KCNJ5: variants seen among roughly 807,000 people sequenced by gnomAD.
KCNJ5 encodes potassium inwardly rectifying channel subfamily J member 5.
Under a neutral mutation model 20.2 loss-of-function variants are expected in KCNJ5, and 12 were observed. The ratio of observed to expected loss-of-function variants is 0.59; its 90% CI spans 0.38 to 0.96. KCNJ5 has a LOEUF of 0.96. Among genes scored for constraint, KCNJ5 ranks in the 40% least tolerant of loss-of-function variants. The probability of loss-of-function intolerance (pLI) is 0.00; values close to 1 mark genes in which losing one functional copy is unlikely to be tolerated. For missense variants in KCNJ5, 449 were observed against 557.6 expected, an observed-to-expected ratio of 0.81 and a Z score of 1.96; for synonymous variants, 210 against 213.9, an observed-to-expected ratio of 0.98 and a Z score of 0.16.
chr11:128,914,263 A>G (rs757768604), intron 2 of KCNJ5, among the ~76,000 whole-genome samples: 1 of 152,236 alleles, frequency 6.6e-6, no homozygotes, highest in Non-Finnish European at 1.5e-5. Context: ...CTCCAAGGCC[A>G]TCCTCACTCC....
chr11:128,916,613 C>G lies in KCNJ5; in HGVS notation c.1142C>G (p.Pro381Arg). 3 of 1,613,986 alleles carry G rather than the reference C, an allele frequency of 1.9e-6. No individual in the cohort carries two copies. Among genetic ancestry groups the G allele is most frequent in the Middle Eastern group, 1.7e-4 (1 of 6,058 alleles). Residue 381 changes from proline to arginine, a missense_variant, in exon 3 of 3, where the codon CCC becomes CGC. By Grantham distance (103) the Pro-to-Arg change is moderately radical (BLOSUM62 -2). Around this residue, in one of 5 missense-constraint regions of KCNJ5, gnomAD observed 64 missense variants for 51.3 expected, o/e 1.25. Transcript: ENST00000529694. ...GAAGGCCGGCTCCTCCAGTACCTCC[C>G]CAGCCCCCCACTGCTGGGGGGCTGT... ...KREGRLLQYLPSPPLLGGCAE... is the reference protein window; with the variant it reads ...KREGRLLQYLRSPPLLGGCAE...
chr11:128,911,291 G>A lies in KCNJ5; in HGVS notation c.18G>A (p.Arg6=). 2 of 1,614,140 alleles carry A rather than the reference G, an allele frequency of 1.2e-6. No individual in the cohort carries two copies. The highest frequency in any genetic ancestry group is 2.2e-5 in the South Asian group (2 of 91,082). Residue 6 remains arginine, a synonymous_variant, in exon 2 of 3, where the codon AGG becomes AGA. Coordinates refer to ENST00000529694, the MANE Select transcript of KCNJ5 (RefSeq NM_000890.5). The surrounding 1 kb of genome is among the most constrained non-coding windows in gnomAD (Gnocchi z 6.3). MAGDS[R]NAMNQDMEIG... is the part of the protein sequence containing the mutation. ...TCCCAGCTATGGCTGGCGATTCTAG[G>A]AATGCCATGAACCAGGACATGGAGA...
intron 1 of KCNJ5, among the ~76,000 whole-genome samples, chr11:128,896,272 A>G (rs563415104): frequency 6.6e-5 from 10 of 152,332 alleles, no homozygotes; most frequent in African/African-American, 2.4e-4. Context: ...AGTTTCAGAA[A>G]TAATGAACAG....
chr11:128,903,305 T>A (rs1944323728), intron 1 of KCNJ5: 2 of 1,581,574 alleles, frequency 1.3e-6, no homozygotes, highest in Non-Finnish European at 1.7e-6. Context: ...TAATTGCACG[T>A]GACCAAGAAG....
intron 1 of KCNJ5, among the ~76,000 whole-genome samples, chr11:128,908,346 C>T (rs1252823042): frequency 6.6e-6 from 1 of 152,168 alleles, no homozygotes; most frequent in Non-Finnish European, 1.5e-5. Context: ...GGATTTATAG[C>T]AGAGTAAACT....
At chr11:128,897,122 G>C (rs1695897094) in intron 1 of KCNJ5, among the ~76,000 whole-genome samples, 1 of 118,470 alleles carries the variant, frequency 8.4e-6, no homozygotes, top group African/African-American at 3.3e-5. Context: ...TTTTGAGACA[G>C]AGTCTTACTC....
At chr11:128,902,486 G>C (rs1363739802) in intron 1 of KCNJ5, 44 of 1,543,954 alleles carry the variant, frequency 2.8e-5, no homozygotes, top group Non-Finnish European at 3.8e-5. Flanking sequence ...TTAAGGAACA[G>C]GGATGTCATA....
chr11:128,901,366 C>G (rs1351677303), intron 1 of KCNJ5: 1 of 152,152 alleles, frequency 6.6e-6, no homozygotes, highest in Admixed American at 6.6e-5. Context: ...GTAAGGCACC[C>G]AGTCCAGAGT....
Position 128,916,806 on chromosome 11 carries a change from A to C in KCNJ5, c.*75A>C. 2 of 1,183,256 alleles carry C rather than the reference A, an allele frequency of 1.7e-6. No homozygotes were observed. Among genetic ancestry groups the C allele is most frequent in the Middle Eastern group, 2.8e-4 (1 of 3,540 alleles). 73.3% of individuals were successfully genotyped at this position (1,183,256 alleles called of 1,614,324 possible). ...ACACTGCAGAGCCTGGGAGCAGGGG[A>C]GGGGAATAGTTGAGTGTGCTGTTTG... On this transcript the variant is annotated 3_prime_UTR_variant, in exon 3 of 3. Transcript: ENST00000529694.
At chr11:128,902,812 C>T in intron 1 of KCNJ5, 1 of 1,366,198 alleles carries the variant, frequency 7.3e-7, no homozygotes, top group Admixed American at 2.3e-5. Context: ...CCCAACATGT[C>T]CATGGGCAGA....
At chr11:128,901,542 C>T (rs1193980982) in intron 1 of KCNJ5, 1 of 152,270 alleles carries the variant, frequency 6.6e-6, no homozygotes, top group Non-Finnish European at 1.5e-5. Context: ...AGGAAAGATG[C>T]TCCCTAAAGA....
At chr11:128,905,246 G>T (rs1355510383) in intron 1 of KCNJ5, among the ~76,000 whole-genome samples, 1 of 152,116 alleles carries the variant, frequency 6.6e-6, no homozygotes, top group African/African-American at 2.4e-5. Flanking sequence ...CCCTCCGCAG[G>T]CCCCTCCTGG....
At chr11:128,902,274 G>C (rs1944296972) in intron 1 of KCNJ5, 2 of 507,410 alleles carry the variant, frequency 3.9e-6, no homozygotes, top group South Asian at 4.5e-5. Flanking sequence ...ACCAGCTCAG[G>C]AGGCCACCTG....
intron 1 of KCNJ5, chr11:128,904,303 A>C: frequency 7.2e-7 from 1 of 1,398,588 alleles, no homozygotes; most frequent in Non-Finnish European, 9.7e-7. Flanking sequence ...AGACAAGCCA[A>C]ATTCAGGACT....
intron 1 of KCNJ5, among the ~76,000 whole-genome samples, chr11:128,898,447 CT>C (rs1944210609): frequency 6.6e-6 from 1 of 152,190 alleles, no homozygotes; most frequent in African/African-American, 2.4e-5. Context: ...CTAATAACAC[CT>C]ACCTTGAAAT....
chr11:128,904,165 G>A (rs1253617186), intron 1 of KCNJ5, among the ~76,000 whole-genome samples: 1 of 152,270 alleles, frequency 6.6e-6, no homozygotes, highest in South Asian at 2.1e-4. Flanking sequence ...CACAGAACAG[G>A]GATTCCATGC....
At chr11:128,891,851 G>A (rs995843505) in intron 1 of KCNJ5, 130 bp downstream of exon 1, 1 of 152,294 alleles carries the variant, frequency 6.6e-6, no homozygotes, top group Non-Finnish European at 1.5e-5. Context: ...TGGGAGCCAG[G>A]GGGGATAAGG....
chr11:128,916,410 C>T lies in KCNJ5; in HGVS notation c.939C>T (p.Gly313=), dbSNP rs777486078. ...VILEGMVEAT[G]MTCQARSSYM... The stretch of plus-strand genomic sequence containing the variant: ...TGCATGTAACTTCCGTTTCCCCAGG[C>T]ATGACCTGCCAAGCCCGGAGCTCCT... The change falls in exon 3 of 3, where the codon GGC becomes GGT. Residue 313 remains glycine, a splice_region_variant and synonymous_variant. Transcript: ENST00000529694. 1 of 1,613,704 alleles carries T rather than the reference C, an allele frequency of 6.2e-7. No homozygotes were observed. The highest frequency in any genetic ancestry group is 8.5e-7 in the Non-Finnish European group (1 of 1,179,596).
intron 2 of KCNJ5, among the ~76,000 whole-genome samples, chr11:128,914,731 A>T (rs1944551591): frequency 6.6e-6 from 1 of 152,182 alleles, no homozygotes; most frequent in Non-Finnish European, 1.5e-5. Flanking sequence ...ACACCTGGGG[A>T]ATCCTTTCCA....
Sources: gnomAD v4.1 joint callset for allele counts (sites outside exome capture counted in the v4.1 genomes callset) on GRCh38, gnomAD v4.1.1 for gene constraint, gnomAD v4.1.1 regional missense constraint, Gnocchi (gnomAD v3.1) non-coding constraint, MANE v1.5 for transcripts, NCBI Gene and HGNC (gene_info 2026-07-23, HGNC 2026-07-21) for gene names.